XPNPEP1: variants seen among roughly 807,000 people sequenced by gnomAD.
The protein encoded by XPNPEP1 is X-prolyl aminopeptidase 1.
In XPNPEP1, 39 loss-of-function variants were observed where a neutral mutation model predicts 92.4. The observed-to-expected ratio is 0.42, with a 90% CI of 0.33 to 0.55. The LOEUF is 0.55. Among genes scored for constraint, XPNPEP1 ranks in the 20% least tolerant of loss-of-function variants. XPNPEP1 has a pLI of 0.08. For missense variants in XPNPEP1, 654 were observed against 856.1 expected (o/e 0.76, Z 2.95); for synonymous variants, 307 against 299.4 (o/e 1.03, Z -0.26).
intron 15 of XPNPEP1, 39 bp downstream of exon 15, chr10:109,875,489 A>C: frequency 6.2e-7 from 1 of 1,603,686 alleles, no homozygotes; most frequent in Non-Finnish European, 8.5e-7. Flanking sequence ...ACTGCCTCGA[A>C]TCCATAGTCA....
intron 16 of XPNPEP1, 152 bp from the exon 17 acceptor site, chr10:109,872,013 GC>G: frequency 1.4e-6 from 1 of 720,730 alleles, no homozygotes; most frequent in African/African-American, 1.8e-5. Context: ...TGGAAAAAAA[GC>G]CTGGCCACGG....
intron 2 of XPNPEP1, among the ~76,000 whole-genome samples, chr10:109,911,610 G>T (rs973946535): frequency 6.6e-6 from 1 of 152,144 alleles, no homozygotes; most frequent in African/African-American, 2.4e-5. Context: ...TAGATTTATT[G>T]TGTTTTCAAA....
chr10:109,903,461 G>A (rs1849394732), intron 3 of XPNPEP1, among the ~76,000 whole-genome samples: 1 of 152,156 alleles, frequency 6.6e-6, no homozygotes, highest in African/African-American at 2.4e-5. Flanking sequence ...TCCAGTTGCG[G>A]GAACCACCAT....
intron 9 of XPNPEP1, among the ~76,000 whole-genome samples, chr10:109,883,464 C>A (rs768098411): frequency 6.6e-6 from 1 of 152,138 alleles, no homozygotes; most frequent in Non-Finnish European, 1.5e-5. Flanking sequence ...AGACTGGTGC[C>A]CACTTATGTG....
rs534431148 is a variant in XPNPEP1 at position 109,923,217 on chromosome 10, G to A, written c.32+185C>T. ...ACCCTCCGGAAACGAACCGGATCTC[G>A]CCCGGCCTCATGGACCCCTTCCCCC... On this transcript the variant is annotated intron_variant, in intron 1 of 20. Coordinates refer to ENST00000502935, the MANE Select transcript of XPNPEP1 (RefSeq NM_020383.4). The A allele has an allele frequency of 3.3e-5, 33 of 985,266 alleles. No individual in the cohort carries two copies. In the African/African-American group the frequency reaches 5.6e-4, roughly 17 times the overall value. 61.0% of individuals were successfully genotyped at this position (985,266 alleles called of 1,614,324 possible).
At chr10:109,882,756 C>G (rs1377779702) in intron 9 of XPNPEP1, 114 bp from the exon 10 acceptor site, 1 of 1,084,870 alleles carries the variant, frequency 9.2e-7, no homozygotes, top group African/African-American at 1.6e-5. Context: ...AACCAAGCCC[C>G]TTTTCTCTCC....
chr10:109,897,025 G>A (rs2133471301), intron 3 of XPNPEP1, among the ~76,000 whole-genome samples: 1 of 152,328 alleles, frequency 6.6e-6, no homozygotes, highest in South Asian at 2.1e-4. Flanking sequence ...AAGATCGTAA[G>A]GGATTATAAA....
chr10:109,887,914 C>T (rs752782821), intron 7 of XPNPEP1, 135 bp downstream of exon 7: 1 of 1,242,910 alleles, frequency 8.0e-7, no homozygotes, highest in Non-Finnish European at 1.1e-6. Context: ...TCAAATATCC[C>T]ACTGGGGCAG....
rs552988452 is a variant in XPNPEP1, at chr10:109,898,718, C to T, written c.247-5643G>A. On this transcript the variant is annotated intron_variant, in intron 3 of 20. Coordinates refer to ENST00000502935, the MANE Select transcript of XPNPEP1 (RefSeq NM_020383.4). ...TCTGAAGACAAATAGTCAAAGACCTCAAACACCAGACTAAGAGGCTTGAAC... is the reference window on the plus strand; with the variant it reads ...TCTGAAGACAAATAGTCAAAGACCTTAAACACCAGACTAAGAGGCTTGAAC... 4.6e-5 allele frequency among the ~76,000 whole-genome samples: 7 copies of T among 152,342 alleles called. 1 individual carries two copies. The South Asian group carries it at 1.4e-3, about 32-fold the overall frequency.
chr10:109,895,503 A>T (rs1317984892), intron 3 of XPNPEP1, among the ~76,000 whole-genome samples: 2 of 152,256 alleles, frequency 1.3e-5, no homozygotes, highest in African/African-American at 2.4e-5. Flanking sequence ...GAATGTCCAG[A>T]CATGACCTAA....
chr10:109,872,193 C>T (rs991922136), intron 16 of XPNPEP1, among the ~76,000 whole-genome samples: 8 of 152,218 alleles, frequency 5.3e-5, no homozygotes, highest in African/African-American at 1.7e-4. Context: ...CATTACTGAG[C>T]TATCCTCTGT....
intron 2 of XPNPEP1, 139 bp downstream of exon 2, chr10:109,914,872 T>C (rs1850099414): frequency 2.3e-6 from 1 of 442,028 alleles, no homozygotes; most frequent in East Asian, 3.5e-5. Flanking sequence ...ATAAAATGGT[T>C]TTTAACTTCC....
At chr10:109,900,461 C>T (rs1849224241) in intron 3 of XPNPEP1, among the ~76,000 whole-genome samples, 2 of 152,158 alleles carry the variant, frequency 1.3e-5, no homozygotes, top group African/African-American at 4.8e-5. Context: ...CTATGTGGCT[C>T]TTCTCCACAG....
In XPNPEP1 at chr10:109,883,153, G is replaced by A. The variant is rs1848200896; in HGVS notation, c.831-511C>T. ...AAAAGAACCCAAGCTCCTGAATGTG[G>A]CCCACAAGGCCTCTCTTTTCTGTGG... is the stretch of plus-strand genomic sequence containing the variant. On this transcript the variant is annotated intron_variant, in intron 9 of 20. Transcript: ENST00000502935. Among the ~76,000 whole-genome samples the A allele has an allele frequency of 1.3e-5, 2 of 152,130 alleles. 1 individual carries two copies. Among genetic ancestry groups the A allele is most frequent in the Admixed American group, 1.3e-4 (2 of 15,278 alleles).
intron 3 of XPNPEP1, among the ~76,000 whole-genome samples, chr10:109,901,248 T>C (rs1309351594): frequency 9.0e-6 from 1 of 111,708 alleles, no homozygotes; most frequent in Admixed American, 1.3e-4. Flanking sequence ...CATCACACAC[T>C]GGGGCCTGTC....
At chr10:109,884,212 C>A (rs558553932) in intron 8 of XPNPEP1, 64 bp from the exon 9 acceptor site, 6 of 1,520,322 alleles carry the variant, frequency 3.9e-6, no homozygotes, top group Non-Finnish European at 5.4e-6. Context: ...TCGCTTGTAG[C>A]GGGAGGGAAG....
intron 1 of XPNPEP1, among the ~76,000 whole-genome samples, chr10:109,921,874 C>A (rs1440172668): frequency 6.6e-6 from 1 of 152,210 alleles, no homozygotes; most frequent in African/African-American, 2.4e-5. Context: ...AGCATCAGAT[C>A]AGGGACTTCT....
At chr10:109,912,276 A>C (rs1849919977) in intron 2 of XPNPEP1, among the ~76,000 whole-genome samples, 1 of 152,250 alleles carries the variant, frequency 6.6e-6, no homozygotes, top group Non-Finnish European at 1.5e-5. Flanking sequence ...GGTGCAATGC[A>C]GCTACTTCTT....
At chr10:109,900,313 A>T (rs1301723674) in intron 3 of XPNPEP1, among the ~76,000 whole-genome samples, 1 of 152,170 alleles carries the variant, frequency 6.6e-6, no homozygotes, top group Non-Finnish European at 1.5e-5. Context: ...AACAATTAGG[A>T]ACAAGAGCCA....
Sources: gnomAD v4.1 joint callset for allele counts (sites outside exome capture counted in the v4.1 genomes callset) on GRCh38, gnomAD v4.1.1 for gene constraint, MANE v1.5 for transcripts, NCBI Gene and HGNC (gene_info 2026-07-23, HGNC 2026-07-21) for gene names.